Variants in ITSN2 observed in about 807,000 individuals in gnomAD.
ITSN2 encodes the protein intersectin-2.
ITSN2 carries 156 observed loss-of-function variants against 243.7 expected under a neutral mutation model. The ratio of observed to expected loss-of-function variants is 0.64; its 90% CI spans 0.56 to 0.73. The LOEUF is 0.73. Ranked by LOEUF, ITSN2 falls within the 30% of genes least tolerant of loss-of-function variation. The pLI, the probability that ITSN2 is intolerant of heterozygous loss-of-function variation, is 0.00. For synonymous variants in ITSN2, 703 were observed against 699.9 expected (o/e 1.00, Z -0.07); for missense variants, 1,801 against 1,996.1 (o/e 0.90, Z 1.86).
At chr2:24,324,840 T>A (rs1574316213) in intron 2 of ITSN2, among the ~76,000 whole-genome samples, 2 of 98,654 alleles carry the variant, frequency 2.0e-5, no homozygotes, top group African/African-American at 8.8e-5. Context: ...GTTGACAGAG[T>A]AAGACCCTGT....
At position 24,260,971 on chromosome 2, in the gene ITSN2, A is replaced by T. The variant is rs552246597; in HGVS notation, c.2682+135T>A. 1.6e-4 allele frequency: 109 copies of T among 697,946 alleles called. 4 individuals carry two copies. In the South Asian group the frequency reaches 2.2e-3, roughly 14 times the overall value. The allele number at this position is 697,946 out of a possible 1,614,324, so 43.2% of individuals were successfully genotyped here. On this transcript the variant is annotated intron_variant, in intron 22 of 39. Transcript: ENST00000355123. ...AGTCATTTCTTCAACTTCACATCAC[A>T]TGTGAATAAGAAAGAAACTGAATGC...
In ITSN2 at chr2:24,303,836, G is replaced by T; in HGVS notation, c.820C>A (p.Gln274Lys). 6.2e-7 allele frequency: 1 copy of T among 1,610,274 alleles called. No homozygotes were observed. The highest frequency in any genetic ancestry group is 8.5e-7 in the Non-Finnish European group (1 of 1,176,528). ...SGFQARNALL[Q>K]SNLSQTQLAT... The stretch of plus-strand genomic sequence containing the variant: ...AGCTGAGTTTGAGAAAGATTTGACT[G>T]AAGAAGGGCATTTCTAGCTTGAAAA... Residue 274 changes from glutamine (Q) to lysine (K), a missense_variant, in exon 9 of 40, where the codon CAG becomes AAG. Gln to Lys is a moderately conservative substitution (Grantham distance 53). Around this residue, in one of 5 missense-constraint regions of ITSN2, gnomAD observed 787 missense variants for 803.9 expected, o/e 0.98. Transcript: ENST00000355123.
chr2:24,330,396 A>C, intron 1 of ITSN2: 1 of 586,760 alleles, frequency 1.7e-6, no homozygotes, highest in Non-Finnish European at 3.2e-6. Flanking sequence ...CACCGTTGCC[A>C]CCACCATGCC....
chr2:24,288,108 C>CCAAT (rs1341277013), intron 15 of ITSN2, among the ~76,000 whole-genome samples: 1 of 152,040 alleles, frequency 6.6e-6, no homozygotes, highest in Non-Finnish European at 1.5e-5. Flanking sequence ...ACTGCCAAGG[C>CCAAT]CAATGTCAAA....
chr2:24,243,993 T>C (rs562812809), intron 29 of ITSN2, among the ~76,000 whole-genome samples: 3 of 152,322 alleles, frequency 2.0e-5, no homozygotes, highest in Admixed American at 6.5e-5. Flanking sequence ...TTCTACTGGA[T>C]AGTGCTGTTT....
At chr2:24,266,511 C>T (rs1236178664) in intron 20 of ITSN2, among the ~76,000 whole-genome samples, 1 of 152,122 alleles carries the variant, frequency 6.6e-6, no homozygotes, top group Admixed American at 6.5e-5. Context: ...ACCAGAGCTG[C>T]TATGGCTAAA....
intron 31 of ITSN2, 79 bp from the exon 32 acceptor site, chr2:24,216,311 A>G: frequency 8.6e-7 from 1 of 1,158,116 alleles, no homozygotes. Flanking sequence ...TGGCAGACCA[A>G]TGGTAATGAT....
At position 24,211,557 on chromosome 2, in the gene ITSN2, C is replaced by A. The variant is rs2151103858; in HGVS notation, c.4090-610G>T. On this transcript the variant is annotated intron_variant, in intron 33 of 39. Transcript: ENST00000355123. This position sits in a 1 kb window ranked among gnomAD's most constrained non-coding sequence, Gnocchi z 4.1. Reference sequence around the variant, plus strand: ...GTGTGGTCCCTCCAGAAATTAGGAGCCATCACCAGATGCCCCGTCTGGACT... The same window carrying A: ...GTGTGGTCCCTCCAGAAATTAGGAGACATCACCAGATGCCCCGTCTGGACT... 6.6e-6 allele frequency among the ~76,000 whole-genome samples: 1 copy of A among 152,172 alleles called. No homozygotes were observed. Among genetic ancestry groups the A allele is most frequent in the East Asian group, 1.9e-4 (1 of 5,194 alleles).
intron 23 of ITSN2, 68 bp downstream of exon 23, chr2:24,257,820 G>T: frequency 8.5e-7 from 1 of 1,180,402 alleles, no homozygotes; most frequent in Non-Finnish European, 1.3e-6. Context: ...CACTCAATCA[G>T]ACCATGGCTG....
intron 22 of ITSN2, among the ~76,000 whole-genome samples, chr2:24,259,314 C>A (rs900587709): frequency 2.6e-5 from 4 of 152,194 alleles, no homozygotes; most frequent in African/African-American, 7.2e-5. Flanking sequence ...TCTTCTAAAT[C>A]TATCTCCTCT....
At chr2:24,208,817 G>C (rs565036790) in intron 36 of ITSN2, among the ~76,000 whole-genome samples, 3 of 152,186 alleles carry the variant, frequency 2.0e-5, no homozygotes, top group Non-Finnish European at 4.4e-5. Flanking sequence ...TGTCGCCTGC[G>C]GGCAGCCCCT....
At chr2:24,327,990 A>T (rs1685339228) in intron 2 of ITSN2, 62 bp downstream of exon 2, 2 of 1,375,336 alleles carry the variant, frequency 1.5e-6, no homozygotes, top group Admixed American at 4.9e-5. Flanking sequence ...AATATTTTAA[A>T]CCTCTACCAA....
chr2:24,252,124 C>T (rs1200994242), intron 25 of ITSN2, among the ~76,000 whole-genome samples: 1 of 152,166 alleles, frequency 6.6e-6, no homozygotes, highest in Non-Finnish European at 1.5e-5. Flanking sequence ...TTCATGAAAT[C>T]TTGCCCCCTT....
intron 30 of ITSN2, 49 bp from the exon 31 acceptor site, chr2:24,218,062 G>T: frequency 8.4e-7 from 1 of 1,196,472 alleles, no homozygotes; most frequent in Non-Finnish European, 1.2e-6. Context: ...TGGATACACA[G>T]CCTACGTGTG....
At chr2:24,317,338 C>T (rs1684055843) in intron 2 of ITSN2, among the ~76,000 whole-genome samples, 1 of 151,156 alleles carries the variant, frequency 6.6e-6, no homozygotes, top group Admixed American at 6.6e-5. Flanking sequence ...GAGCTGAGAT[C>T]ACGCCATAGC....
chr2:24,295,562 G>C, intron 14 of ITSN2, 102 bp downstream of exon 14: 1 of 873,512 alleles, frequency 1.1e-6, no homozygotes, highest in Non-Finnish European at 1.6e-6. Context: ...ACCCGCCTCA[G>C]CCTCCCAAAG....
intron 32 of ITSN2, among the ~76,000 whole-genome samples, chr2:24,213,303 G>A (rs1390755836): frequency 6.6e-6 from 1 of 152,146 alleles, no homozygotes; most frequent in Non-Finnish European, 1.5e-5. Context: ...GTGTTGCAGT[G>A]TCTCTATTCC....
rs1028992988 is a variant in ITSN2, at chr2:24,211,929, G to A, written c.4089+721C>T. On this transcript the variant is annotated intron_variant, in intron 33 of 39. Coordinates refer to ENST00000355123, the MANE Select transcript of ITSN2 (RefSeq NM_006277.3). The surrounding 1 kb of genome is among the most constrained non-coding windows in gnomAD (Gnocchi z 4.1). The stretch of plus-strand genomic sequence containing the variant: ...TTTAGTGCAGGCGTCTATCACATGA[G>A]GTCTATGTTGAGGTCACACAGCTAA... 4.6e-5 allele frequency among the ~76,000 whole-genome samples: 7 copies of A among 152,150 alleles called. No homozygotes were observed. Among genetic ancestry groups the A allele is most frequent in the South Asian group, 2.1e-4 (1 of 4,816 alleles).
At chr2:24,254,182 T>C (rs1674720582) in intron 24 of ITSN2, among the ~76,000 whole-genome samples, 185 bp downstream of exon 24, 1 of 152,214 alleles carries the variant, frequency 6.6e-6, no homozygotes, top group Admixed American at 6.5e-5. Context: ...ACCCATATTT[T>C]TTCTATATTC....
Sources: gnomAD v4.1 joint callset for allele counts (sites outside exome capture counted in the v4.1 genomes callset) on GRCh38, gnomAD v4.1.1 for gene constraint, gnomAD v4.1.1 regional missense constraint, Gnocchi (gnomAD v3.1) non-coding constraint, MANE v1.5 for transcripts, NCBI Gene and HGNC (gene_info 2026-07-23, HGNC 2026-07-21) for gene names.